Variants in PSD3 observed in about 807,000 individuals in gnomAD.
The protein encoded by PSD3 is pleckstrin and Sec7 domain containing 3, also known as PH and SEC7 domain-containing protein 3.
In PSD3, 49 loss-of-function variants were observed where a neutral mutation model predicts 105.5. That is an observed-to-expected ratio of 0.46 (90% confidence interval 0.37 to 0.59). PSD3 has a LOEUF of 0.59. PSD3 is among the 20% of genes least tolerant of loss of function. PSD3 has a pLI of 0.00. For synonymous variants in PSD3, 557 were observed against 457.8 expected, an observed-to-expected ratio of 1.22 and a Z score of -2.77; for missense variants, 1,561 against 1,263.8, an observed-to-expected ratio of 1.24 and a Z score of -3.57.
intron 10 of PSD3, among the ~76,000 whole-genome samples, chr8:18,642,450 A>G (rs536958585): frequency 9.8e-5 from 15 of 152,318 alleles, no homozygotes; most frequent in African/African-American, 3.1e-4. Flanking sequence ...TATATTTATT[A>G]TATATCATCT....
chr8:18,616,444 C>T (rs1327638830), intron 11 of PSD3, among the ~76,000 whole-genome samples: 5 of 152,060 alleles, frequency 3.3e-5, no homozygotes, highest in African/African-American at 4.8e-5. Flanking sequence ...TTCTCCGAGG[C>T]CTTCCCTCGT....
intron 1 of PSD3, among the ~76,000 whole-genome samples, chr8:18,984,988 C>T (rs934557227): frequency 2.6e-5 from 4 of 152,130 alleles, no homozygotes; most frequent in African/African-American, 7.2e-5. Context: ...GGCTGGAGTA[C>T]GGTAGCGTCA....
intron 11 of PSD3, among the ~76,000 whole-genome samples, chr8:18,614,007 T>C (rs552564084): frequency 1.3e-5 from 2 of 152,224 alleles, no homozygotes; most frequent in African/African-American, 2.4e-5. Context: ...TGGAACACAA[T>C]TTGGCTTACA....
chr8:18,888,306 G>A (rs1461457013), intron 2 of PSD3, among the ~76,000 whole-genome samples: 1 of 152,166 alleles, frequency 6.6e-6, no homozygotes, highest in East Asian at 1.9e-4. Context: ...TTGGGCCAAT[G>A]CCTTAAAACT....
At chr8:18,826,383 ACT>A (rs1294648945) in intron 4 of PSD3, among the ~76,000 whole-genome samples, 2 of 151,976 alleles carry the variant, frequency 1.3e-5, no homozygotes, top group African/African-American at 4.8e-5. Flanking sequence ...CAATTACACT[ACT>A]CTCTACATGA....
intron 9 of PSD3, among the ~76,000 whole-genome samples, chr8:18,673,877 C>T (rs886505030): frequency 1.3e-5 from 2 of 152,112 alleles, no homozygotes; most frequent in Admixed American, 6.5e-5. Flanking sequence ...CATGCTGGCT[C>T]ATACCTGTAA....
chr8:18,588,549 A>G (rs982464154), intron 12 of PSD3, among the ~76,000 whole-genome samples: 1 of 152,002 alleles, frequency 6.6e-6, no homozygotes, highest in Non-Finnish European at 1.5e-5. Flanking sequence ...ACAATAACCC[A>G]TGATTCTACT....
chr8:18,629,966 G>A (rs979381874), intron 11 of PSD3, among the ~76,000 whole-genome samples: 21 of 151,860 alleles, frequency 1.4e-4, no homozygotes, highest in African/African-American at 4.8e-4. Context: ...GGAAGAGCCT[G>A]AGGAATTAAA....
chr8:18,558,861 G>C (rs12548407), intron 14 of PSD3, among the ~76,000 whole-genome samples: 8 of 152,010 alleles, frequency 5.3e-5, no homozygotes, highest in Non-Finnish European at 7.4e-5. Flanking sequence ...GTATTCTCTA[G>C]GTTTTATACT....
At chr8:18,715,864 T>G (rs912576161) in intron 9 of PSD3, among the ~76,000 whole-genome samples, 2 of 152,252 alleles carry the variant, frequency 1.3e-5, no homozygotes, top group Admixed American at 1.3e-4. Context: ...CCCTACTATG[T>G]GACAGGCATT....
At chr8:18,585,955 G>C (rs1585308721) in intron 12 of PSD3, among the ~76,000 whole-genome samples, 1 of 151,988 alleles carries the variant, frequency 6.6e-6, no homozygotes, top group Non-Finnish European at 1.5e-5. Flanking sequence ...TCTTCTTTTG[G>C]AAGAGCCTTT....
chr8:18,798,579 T>A (rs1172956960), intron 8 of PSD3, among the ~76,000 whole-genome samples: 1 of 152,096 alleles, frequency 6.6e-6, no homozygotes, highest in South Asian at 2.1e-4. Flanking sequence ...TTACGGCAAA[T>A]CAAGGGATAA....
chr8:18,778,619 C>T (rs1279422266), intron 8 of PSD3, among the ~76,000 whole-genome samples: 1 of 150,890 alleles, frequency 6.6e-6, no homozygotes, highest in African/African-American at 2.4e-5. Context: ...ATGATGTGTT[C>T]TTTCTATGTC....
At chr8:18,543,411 G>A (rs917001318) in intron 15 of PSD3, among the ~76,000 whole-genome samples, 10 of 152,086 alleles carry the variant, frequency 6.6e-5, no homozygotes, top group Admixed American at 2.0e-4. Flanking sequence ...TCAAGAGATC[G>A]AGACCATCTT....
intron 2 of PSD3, among the ~76,000 whole-genome samples, chr8:18,901,097 A>G (rs1304187473): frequency 6.6e-6 from 1 of 152,172 alleles, no homozygotes; most frequent in African/African-American, 2.4e-5. Context: ...ATGTGTTTCT[A>G]TTTCATGGTA....
At chr8:18,770,519 G>A (rs1807420795) in intron 8 of PSD3, among the ~76,000 whole-genome samples, 1 of 152,092 alleles carries the variant, frequency 6.6e-6, no homozygotes, top group Non-Finnish European at 1.5e-5. Context: ...TATGAGCACT[G>A]GAGTCAGCCA....
chr8:19,034,956 T>C (rs1474534380), intron 1 of PSD3, among the ~76,000 whole-genome samples: 1 of 151,756 alleles, frequency 6.6e-6, no homozygotes, highest in Non-Finnish European at 1.5e-5. Flanking sequence ...GCAAATTTTT[T>C]TGAGGCCTCT....
intron 1 of PSD3, among the ~76,000 whole-genome samples, chr8:18,976,684 C>T (rs754896495): frequency 5.9e-5 from 9 of 152,168 alleles, no homozygotes; most frequent in Admixed American, 1.3e-4. Flanking sequence ...GTGCATGGCA[C>T]GCAGTATTAC....
intron 1 of PSD3, among the ~76,000 whole-genome samples, chr8:19,034,906 CACAGACTAACCACGA>C (rs1827892185): frequency 6.6e-6 from 1 of 152,156 alleles, no homozygotes; most frequent in Admixed American, 6.5e-5. Context: ...CCCCTCTCCT[CACAGACTAACCACGA>C]ACAGATCCCT....
Sources: gnomAD v4.1 joint callset for allele counts (sites outside exome capture counted in the v4.1 genomes callset) on GRCh38, gnomAD v4.1.1 for gene constraint, MANE v1.5 for transcripts, NCBI Gene and HGNC (gene_info 2026-07-23, HGNC 2026-07-21) for gene names.